Variants in MYO1D observed in about 807,000 individuals in gnomAD.
The protein encoded by MYO1D is unconventional myosin-Id.
In MYO1D, 83 loss-of-function variants were observed where a neutral mutation model predicts 122.0. The ratio of observed to expected loss-of-function variants is 0.68; its 90% CI spans 0.57 to 0.82. The LOEUF (loss-of-function observed/expected upper bound fraction) is 0.82, where lower values mean the gene tolerates loss of function less well. Ranked by LOEUF, MYO1D falls within the 40% of genes least tolerant of loss-of-function variation. The pLI is 0.00. For missense variants in MYO1D, 1,157 were observed against 1,269.5 expected, an observed-to-expected ratio of 0.91 and a Z score of 1.35; for synonymous variants, 464 against 446.9, an observed-to-expected ratio of 1.04 and a Z score of -0.48.
intron 16 of MYO1D, among the ~76,000 whole-genome samples, chr17:32,685,126 G>C (rs1237112641): frequency 6.6e-6 from 1 of 152,048 alleles, no homozygotes; most frequent in South Asian, 2.1e-4. Context: ...GACCTAGAAA[G>C]CAATAAACGC....
chr17:32,695,670 C>T (rs2150977081), intron 16 of MYO1D, among the ~76,000 whole-genome samples: 1 of 152,254 alleles, frequency 6.6e-6, no homozygotes. Context: ...AAGTAACGGT[C>T]ATATTCAGGG....
At chr17:32,808,523 G>A (rs924650864) in intron 1 of MYO1D, among the ~76,000 whole-genome samples, 6 of 152,004 alleles carry the variant, frequency 3.9e-5, no homozygotes, top group African/African-American at 2.4e-5. Flanking sequence ...CAATGCTATC[G>A]ATTTCTAATG....
chr17:32,694,590 A>T (rs547038506), intron 16 of MYO1D, among the ~76,000 whole-genome samples: 1 of 150,468 alleles, frequency 6.6e-6, no homozygotes, highest in East Asian at 2.0e-4. Flanking sequence ...AGTCCCAGCT[A>T]CTCGGGAGGC....
chr17:32,719,348 G>GC (rs1171859978), intron 15 of MYO1D, among the ~76,000 whole-genome samples: 5 of 135,230 alleles, frequency 3.7e-5, no homozygotes, highest in East Asian at 2.3e-4. Flanking sequence ...ACATCTCCTT[G>GC]CCCTTTTTTT....
chr17:32,543,507 C>T (rs1027359998), intron 21 of MYO1D, among the ~76,000 whole-genome samples: 2 of 151,356 alleles, frequency 1.3e-5, no homozygotes, highest in East Asian at 1.9e-4. Flanking sequence ...ACCCAGGAGG[C>T]GGAGCTTGCA....
At chr17:32,515,765 G>A (rs1044394806) in intron 21 of MYO1D, among the ~76,000 whole-genome samples, 11 of 152,168 alleles carry the variant, frequency 7.2e-5, no homozygotes, top group Admixed American at 7.2e-4. Context: ...TTTTTGTTCT[G>A]AGGGGAATTC....
chr17:32,805,976 T>C (rs1204263728), intron 1 of MYO1D, among the ~76,000 whole-genome samples: 1 of 152,148 alleles, frequency 6.6e-6, no homozygotes, highest in African/African-American at 2.4e-5. Flanking sequence ...AGTAACCTTA[T>C]GGCCGGGTGC....
intron 21 of MYO1D, among the ~76,000 whole-genome samples, chr17:32,551,428 T>C (rs924347115): frequency 6.6e-6 from 1 of 152,206 alleles, no homozygotes; most frequent in Admixed American, 6.5e-5. Context: ...TTGGTTTCAC[T>C]TGTATATCCT....
intron 4 of MYO1D, among the ~76,000 whole-genome samples, chr17:32,773,817 A>C (rs1283813282): frequency 6.6e-6 from 1 of 152,162 alleles, no homozygotes; most frequent in Non-Finnish European, 1.5e-5. Flanking sequence ...ATTGTCGTAC[A>C]ATGGGCAAAT....
intron 7 of MYO1D, 31 bp downstream of exon 7, chr17:32,767,605 A>G (rs1164405775): frequency 1.4e-6 from 2 of 1,405,196 alleles, no homozygotes; most frequent in Middle Eastern, 1.8e-4. Flanking sequence ...TCAGCAGAAG[A>G]CAATACATTC....
intron 1 of MYO1D, 130 bp from the exon 2 acceptor site, chr17:32,780,914 G>A (rs751244196): frequency 4.5e-6 from 4 of 889,824 alleles, no homozygotes; most frequent in Non-Finnish European, 6.9e-6. Context: ...ACGTTTCATT[G>A]GCTCTGAGTT....
At chr17:32,640,413 G>T (rs2088179544) in intron 19 of MYO1D, among the ~76,000 whole-genome samples, 1 of 149,908 alleles carries the variant, frequency 6.7e-6, no homozygotes, top group South Asian at 2.1e-4. Context: ...CCATGCTGGT[G>T]CGCTGCACCC....
At chr17:32,844,036 C>A (rs1422138483) in intron 1 of MYO1D, among the ~76,000 whole-genome samples, 2 of 150,950 alleles carry the variant, frequency 1.3e-5, no homozygotes, top group Non-Finnish European at 3.0e-5. Flanking sequence ...CACATACATA[C>A]ACACACAAGG....
At chr17:32,781,221 AC>A (rs1311552104) in intron 1 of MYO1D, among the ~76,000 whole-genome samples, 2 of 152,234 alleles carry the variant, frequency 1.3e-5, no homozygotes, top group African/African-American at 4.8e-5. Context: ...CTTGAACCTC[AC>A]TAAAATGTTA....
At chr17:32,705,143 AT>A (rs3079903) in intron 16 of MYO1D, among the ~76,000 whole-genome samples, 74,911 of 150,676 alleles carry the variant, frequency 0.5, 18,812 homozygotes, top group East Asian at 0.73. Context: ...ACTCATACAG[AT>A]TTTTTTTTTT....
At chr17:32,654,840 G>C (rs2088453288) in intron 17 of MYO1D, among the ~76,000 whole-genome samples, 1 of 152,068 alleles carries the variant, frequency 6.6e-6, no homozygotes. Context: ...ACCATGCCTG[G>C]TTAATTTTTG....
intron 13 of MYO1D, 41 bp downstream of exon 13, chr17:32,745,170 T>C (rs376688637): frequency 2.7e-6 from 3 of 1,111,938 alleles, no homozygotes; most frequent in Non-Finnish European, 4.0e-6. Context: ...CATATGTCAA[T>C]GAGCTTAATC....
chr17:32,589,407 A>G (rs1021744525), intron 21 of MYO1D, among the ~76,000 whole-genome samples: 9 of 152,168 alleles, frequency 5.9e-5, no homozygotes, highest in Non-Finnish European at 1.0e-4. Flanking sequence ...AAGCCCAAAA[A>G]TCTTGAGGGA....
chr17:32,746,190 T>C (rs1231113278), intron 12 of MYO1D, among the ~76,000 whole-genome samples: 3 of 152,184 alleles, frequency 2.0e-5, no homozygotes, highest in African/African-American at 7.2e-5. Flanking sequence ...ACTTTAAGGT[T>C]ACCATACCCA....
Sources: gnomAD v4.1 joint callset for allele counts (sites outside exome capture counted in the v4.1 genomes callset) on GRCh38, gnomAD v4.1.1 for gene constraint, MANE v1.5 for transcripts, NCBI Gene and HGNC (gene_info 2026-07-23, HGNC 2026-07-21) for gene names.